CLEC17A: variants seen among roughly 807,000 people sequenced by gnomAD.
The protein encoded by CLEC17A is C-type lectin domain containing 17A.
A neutral mutation model predicts 61.3 loss-of-function variants in CLEC17A; 37 were observed. The ratio of observed to expected loss-of-function variants is 0.60; its 90% CI spans 0.46 to 0.79. The LOEUF (loss-of-function observed/expected upper bound fraction) is 0.79. Ranked by LOEUF, CLEC17A falls within the 30% of genes least tolerant of loss-of-function variation. The pLI is 0.00. For synonymous variants in CLEC17A, 168 were observed against 164.9 expected, an observed-to-expected ratio of 1.02 and a Z score of -0.14; for missense variants, 418 against 464.7, an observed-to-expected ratio of 0.90 and a Z score of 0.92.
intron 13 of CLEC17A, 70 bp from the exon 14 acceptor site, chr19:14,609,994 C>A: frequency 8.9e-7 from 1 of 1,129,842 alleles, no homozygotes; most frequent in Non-Finnish European, 1.3e-6. Context: ...TTCATCATTA[C>A]AGTATTATAC....
Position 14,597,023 on chromosome 19 carries a change from G to A in CLEC17A, c.583+10G>A. ...GTGACCCTGATTAAGTGTGAGTAGG[G>A]CCAGGAAGGGACATGGGGAGAGATT... On this transcript the variant is annotated intron_variant, in intron 9 of 13. Coordinates refer to ENST00000417570, the MANE Select transcript of CLEC17A (RefSeq NM_001204118.2). 6.2e-7 allele frequency: 1 copy of A among 1,610,334 alleles called. No individual in the cohort carries two copies. The highest frequency in any genetic ancestry group is 1.3e-5 in the African/African-American group (1 of 74,986).
chr19:14,594,947 C>T, intron 7 of CLEC17A, 147 bp downstream of exon 7: 1 of 804,298 alleles, frequency 1.2e-6, no homozygotes, highest in Non-Finnish European at 2.0e-6. Context: ...TACTGGCTCA[C>T]TGCAACCTCT....
intron 8 of CLEC17A, among the ~76,000 whole-genome samples, chr19:14,595,839 G>T (rs200664093): frequency 7.0e-6 from 1 of 143,774 alleles, no homozygotes; most frequent in African/African-American, 2.6e-5. Context: ...GTTGGTGATG[G>T]TGGTGGTGGT....
intron 12 of CLEC17A, among the ~76,000 whole-genome samples, chr19:14,603,359 C>T (rs766742170): frequency 2.0e-5 from 3 of 152,164 alleles, no homozygotes; most frequent in Non-Finnish European, 2.9e-5. Context: ...TACTTAACCC[C>T]TCTGTGCCTC....
chr19:14,587,551 C>G lies in CLEC17A; in HGVS notation c.122-63C>G, dbSNP rs1190553057. On this transcript the variant is annotated intron_variant, in intron 2 of 13. Coordinates refer to ENST00000417570, the MANE Select transcript of CLEC17A (RefSeq NM_001204118.2). ...ATCATGGGGCAGCTGAGGCAGAGAC[C>G]AGGGCTTGAGGGATGGAGGGAGGAG... 54 of 1,494,376 alleles carry G rather than the reference C, an allele frequency of 3.6e-5. No homozygotes were observed. The South Asian group carries it at 7.0e-4, about 19-fold the overall frequency. The allele number at this position is 1,494,376 out of a possible 1,614,324, so 92.6% of individuals were successfully genotyped here.
chr19:14,607,600 C>T (rs186530941), intron 13 of CLEC17A, among the ~76,000 whole-genome samples: 4 of 148,618 alleles, frequency 2.7e-5, no homozygotes, highest in African/African-American at 7.5e-5. Flanking sequence ...TTCTTTGAGA[C>T]GGAGTCTCGC....
At chr19:14,609,268 G>T (rs534648595) in intron 13 of CLEC17A, among the ~76,000 whole-genome samples, 1 of 152,288 alleles carries the variant, frequency 6.6e-6, no homozygotes, top group Admixed American at 6.5e-5. Flanking sequence ...GATGACTCTG[G>T]TGCTGTTGAC....
intron 3 of CLEC17A, among the ~76,000 whole-genome samples, chr19:14,588,884 A>G (rs2074352573): frequency 1.3e-5 from 2 of 151,854 alleles, no homozygotes; most frequent in Admixed American, 6.6e-5. Context: ...GTCCAGAAAT[A>G]TGGTGGGACT....
chr19:14,598,564 C>G (rs1020569481), intron 10 of CLEC17A, among the ~76,000 whole-genome samples: 2 of 152,062 alleles, frequency 1.3e-5, no homozygotes, highest in Admixed American at 6.6e-5. Flanking sequence ...ACCTCCCCCT[C>G]CCAGGTTCAA....
chr19:14,597,001 A>C lies in CLEC17A; in HGVS notation c.571A>C (p.Thr191Pro). 1 of 1,609,724 alleles carries C rather than the reference A, an allele frequency of 6.2e-7. No homozygotes were observed. The highest frequency in any genetic ancestry group is 8.5e-7 in the Non-Finnish European group (1 of 1,178,118). The change falls in exon 9 of 14, where the codon ACC (threonine) becomes CCC (proline). Residue 191 changes from threonine to proline, a missense_variant. Coordinates refer to ENST00000417570, the MANE Select transcript of CLEC17A (RefSeq NM_001204118.2). ...CCTGGGCTGCCTTGGTCTCACTGTG[A>C]CCCTGATTAAGTGTGAGTAGGGCCA... is the stretch of plus-strand genomic sequence containing the variant. ...LFLGCLGLTV[T>P]LIKYQELMEE... is the part of the protein sequence containing the mutation.
chr19:14,593,455 G>A (rs1378866698), intron 4 of CLEC17A, among the ~76,000 whole-genome samples: 1 of 151,824 alleles, frequency 6.6e-6, no homozygotes, highest in East Asian at 1.9e-4. Context: ...AGACCATCCT[G>A]GGTAACACAG....
chr19:14,598,711 G>C (rs2146713466), intron 10 of CLEC17A, among the ~76,000 whole-genome samples: 1 of 152,178 alleles, frequency 6.6e-6, no homozygotes, highest in South Asian at 2.1e-4. Context: ...CTGACCTCAG[G>C]TGACCCATCT....
chr19:14,596,547 T>C (rs1290692054), intron 8 of CLEC17A, among the ~76,000 whole-genome samples: 1 of 152,068 alleles, frequency 6.6e-6, no homozygotes, highest in African/African-American at 2.4e-5. Flanking sequence ...GGTGGGAGGA[T>C]TGCTTGAGCC....
intron 10 of CLEC17A, 27 bp from the exon 11 acceptor site, chr19:14,599,690 A>G (rs1344134516): frequency 1.3e-6 from 2 of 1,560,834 alleles, no homozygotes; most frequent in Non-Finnish European, 1.8e-6. Context: ...CTCAGTCTGT[A>G]GCCCTCAAGC....
At chr19:14,605,619 G>A (rs2074842695) in intron 12 of CLEC17A, among the ~76,000 whole-genome samples, 1 of 152,072 alleles carries the variant, frequency 6.6e-6, no homozygotes. Context: ...CCCCCTACTT[G>A]CAACCACCAG....
In CLEC17A at chr19:14,583,294, C is replaced by A; in HGVS notation, c.44-63C>A. 3 of 1,611,548 alleles carry A rather than the reference C, an allele frequency of 1.9e-6. No homozygotes were observed. The East Asian group carries it at 6.7e-5, about 36-fold the overall frequency. ...ACCATGGGGCAGCTGAGGCAGAGACCAGGGCTTGAGGGATGGAGGGAGGAG... is the reference window on the plus strand; with the variant it reads ...ACCATGGGGCAGCTGAGGCAGAGACAAGGGCTTGAGGGATGGAGGGAGGAG... On this transcript the variant is annotated intron_variant, in intron 1 of 13. Transcript: ENST00000417570.
chr19:14,598,304 T>TTCTTTCTCTCTCTCTCTC (rs1555746763), intron 10 of CLEC17A, among the ~76,000 whole-genome samples: 13 of 149,212 alleles, frequency 8.7e-5, no homozygotes, highest in African/African-American at 3.2e-4. Context: ...TGTTCTTTCT[T>TTCTTTCTCTCTCTCTCTC]TCTCTCTCTC....
chr19:14,581,830 T>G (rs1439148716), upstream of CLEC17A, among the ~76,000 whole-genome samples: 1 of 151,964 alleles, frequency 6.6e-6, no homozygotes, highest in Non-Finnish European at 1.5e-5. Context: ...TTTTGTATTT[T>G]TAGTAGAGAT....
intron 13 of CLEC17A, among the ~76,000 whole-genome samples, chr19:14,609,090 G>A (rs1047889814): frequency 4.6e-5 from 7 of 152,126 alleles, no homozygotes; most frequent in African/African-American, 9.7e-5. Flanking sequence ...GTGTGCCACC[G>A]CACCTGGCGG....
Sources: gnomAD v4.1 joint callset for allele counts (sites outside exome capture counted in the v4.1 genomes callset) on GRCh38, gnomAD v4.1.1 for gene constraint, MANE v1.5 for transcripts, NCBI Gene and HGNC (gene_info 2026-07-23, HGNC 2026-07-21) for gene names.